The following THNSL1 variants were observed in gnomAD, a reference collection of about 807,000 sequenced individuals.
THNSL1 encodes the protein threonine synthase like 1.
In THNSL1, 48 loss-of-function variants were observed where a neutral mutation model predicts 50.4. The observed-to-expected ratio is 0.95, with a 90% confidence interval of 0.76 to 1.21. The LOEUF (loss-of-function observed/expected upper bound fraction) is 1.21. Among genes scored for constraint, THNSL1 ranks in the 50% most tolerant of loss-of-function variants. The probability of loss-of-function intolerance (pLI) is 0.00; values close to 1 mark genes in which losing one functional copy is unlikely to be tolerated. For missense variants in THNSL1, 896 were observed against 871.7 expected (o/e 1.03, Z -0.35); for synonymous variants, 309 against 306.1 (o/e 1.01, Z -0.10).
the THNSL1 span, among the ~76,000 whole-genome samples, chr10:25,009,121 G>C: frequency 6.6e-6 from 1 of 152,168 alleles, no homozygotes; most frequent in African/African-American, 2.4e-5. Context: ...TGGGAGGAGA[G>C]GGGAGGGATA....
chr10:24,990,428 G>A, the THNSL1 span: 1 of 1,585,670 alleles, frequency 6.3e-7, no homozygotes, highest in South Asian at 1.2e-5. Flanking sequence ...ATGATCCAAA[G>A]AGTTACAGAT....
upstream of THNSL1, chr10:25,015,757 A>G: frequency 9.0e-7 from 1 of 1,107,070 alleles, no homozygotes; most frequent in East Asian, 3.1e-5. Context: ...CGAGGCAAAA[A>G]TACATTTTAT....
chr10:24,983,828 A>G, the THNSL1 span: 1 of 152,188 alleles, frequency 6.6e-6, no homozygotes, highest in African/African-American at 2.4e-5. Flanking sequence ...CTAATTTAAA[A>G]TTTCATAAAA....
rs777943036 is a variant in THNSL1 at position 25,025,196 on chromosome 10, G to T, written c.1973G>T (p.Cys658Phe). 1.2e-6 allele frequency: 2 copies of T among 1,614,160 alleles called. No individual in the cohort carries two copies. Among genetic ancestry groups the T allele is most frequent in the Non-Finnish European group, 1.7e-6 (2 of 1,180,030 alleles). The change falls in exon 3 of 3, where the codon TGC (cysteine) becomes TTC (phenylalanine). Residue 658 changes from cysteine (C) to phenylalanine (F), a missense_variant. Coordinates refer to ENST00000376356, the MANE Select transcript of THNSL1 (RefSeq NM_024838.5). ...GCAGATAGGGTGCAAGACAAAACTT[G>T]CCCTGTGATTATCTCATCTACAGCC... ...VVADRVQDKT[C>F]PVIISSTAHY...
At chr10:24,984,462 T>A in the THNSL1 span, 1 of 1,388,168 alleles carries the variant, frequency 7.2e-7, no homozygotes, top group Non-Finnish European at 9.8e-7. Flanking sequence ...GTGAAACAAG[T>A]ACATAATAAT....
rs11014354 is a variant in THNSL1, at chr10:25,026,201, C to T, written c.*746C>T. ...GCTAGGGCCAGTGTTTTTAACCCTCCTCAAATTCCATTTTGGACTACAACT... is the reference window on the plus strand; with the variant it reads ...GCTAGGGCCAGTGTTTTTAACCCTCTTCAAATTCCATTTTGGACTACAACT... On this transcript the variant is annotated 3_prime_UTR_variant, in exon 3 of 3. Transcript: ENST00000376356. 1 of 166,582 alleles carries T rather than the reference C, an allele frequency of 6.0e-6. No individual in the cohort carries two copies. Among genetic ancestry groups the T allele is most frequent in the Non-Finnish European group, 1.5e-5 (1 of 68,160 alleles). The allele number at this position is 166,582 out of a possible 1,614,324, so 10.3% of individuals were successfully genotyped here. A position where few individuals can be genotyped will look rare whatever the true frequency, so the allele number is the denominator to read the frequency against.
At chr10:25,016,959 G>A (rs1265555513) in intron 1 of THNSL1, among the ~76,000 whole-genome samples, 1 of 152,130 alleles carries the variant, frequency 6.6e-6, no homozygotes, top group Non-Finnish European at 1.5e-5. Context: ...GCGCAGCCCT[G>A]CCCGCCACGT....
chr10:24,966,550 G>A, the THNSL1 span, among the ~76,000 whole-genome samples: 2 of 152,212 alleles, frequency 1.3e-5, no homozygotes, highest in Non-Finnish European at 2.9e-5. Flanking sequence ...TCTCTTAATG[G>A]AATCACACTC....
chr10:25,009,121 G>T, the THNSL1 span, among the ~76,000 whole-genome samples: 1 of 152,168 alleles, frequency 6.6e-6, no homozygotes, highest in Non-Finnish European at 1.5e-5. Context: ...TGGGAGGAGA[G>T]GGGAGGGATA....
upstream of THNSL1, among the ~76,000 whole-genome samples, chr10:25,014,680 A>G (rs1588666864): frequency 6.6e-6 from 1 of 152,362 alleles, no homozygotes; most frequent in East Asian, 1.9e-4. Context: ...GGAATTTGAA[A>G]CCAAAAGTTG....
At chr10:24,965,822 A>G in the THNSL1 span, among the ~76,000 whole-genome samples, 2 of 152,234 alleles carry the variant, frequency 1.3e-5, no homozygotes, top group African/African-American at 4.8e-5. Flanking sequence ...TGCTGCATTT[A>G]AAGATTTTAT....
chr10:24,952,714 G>T, the THNSL1 span: 5 of 814,002 alleles, frequency 6.1e-6, no homozygotes, highest in East Asian at 3.1e-5. The surrounding 1 kb of genome is among the most constrained non-coding windows in gnomAD (Gnocchi z 5.1). Context: ...GCCCCGCCCC[G>T]GGCCCGCCGG....
chr10:24,990,495 G>A, the THNSL1 span: 2 of 1,613,632 alleles, frequency 1.2e-6, no homozygotes, highest in Admixed American at 1.7e-5. Flanking sequence ...TCATCGGAGA[G>A]CCTTTTCATA....
the THNSL1 span, among the ~76,000 whole-genome samples, chr10:24,989,880 C>G: frequency 6.6e-6 from 1 of 152,120 alleles, no homozygotes; most frequent in Admixed American, 6.5e-5. Context: ...AGCAGAAACT[C>G]TTACACCCCC....
the THNSL1 span, among the ~76,000 whole-genome samples, chr10:25,003,166 A>AT: frequency 6.7e-5 from 10 of 150,350 alleles, no homozygotes; most frequent in East Asian, 1.9e-4. Flanking sequence ...TCTTTAATTA[A>AT]TTAATTAATT....
chr10:24,968,220 G>C, the THNSL1 span, among the ~76,000 whole-genome samples: 11 of 152,226 alleles, frequency 7.2e-5, no homozygotes, highest in Non-Finnish European at 1.2e-4. Flanking sequence ...CCCAGGCCCA[G>C]AGGAAAGAAC....
rs955863518 is a variant in THNSL1 at position 25,016,693 on chromosome 10, G to A, written c.-216+1G>A. The A allele has an allele frequency of 6.6e-6, 1 of 152,404 alleles. No individual in the cohort carries two copies. Among genetic ancestry groups the A allele is most frequent in the Non-Finnish European group, 1.5e-5 (1 of 68,160 alleles). 9.4% of individuals were successfully genotyped at this position (152,404 alleles called of 1,614,324 possible). The stretch of plus-strand genomic sequence containing the variant: ...GGCGGGACCGGGGAGCTAGCTGCAG[G>A]TACGGTGCTCCGTCTCCTGTGGAGG... On this transcript the variant is annotated splice_donor_variant, in intron 1 of 2. Transcript: ENST00000376356. LOFTEE classifies it low-confidence loss of function (5UTR_SPLICE).
chr10:24,999,816 AC>A, the THNSL1 span, among the ~76,000 whole-genome samples: 55 of 152,144 alleles, frequency 3.6e-4, no homozygotes, highest in African/African-American at 1.3e-3. Context: ...TAGTGATGTC[AC>A]CCCTCTCATT....
At chr10:24,972,312 A>G in the THNSL1 span, among the ~76,000 whole-genome samples, 1 of 151,922 alleles carries the variant, frequency 6.6e-6, no homozygotes, top group South Asian at 2.1e-4. Context: ...GTTTGAGACC[A>G]GCCTGGCCAA....
Sources: allele counts gnomAD v4.1 joint callset (sites outside exome capture counted in the v4.1 genomes callset), GRCh38; gene constraint gnomAD v4.1.1; non-coding constraint Gnocchi (gnomAD v3.1); transcripts MANE v1.5; gene names NCBI Gene and HGNC (gene_info 2026-07-23, HGNC 2026-07-21).